PCDH15: variants seen among roughly 807,000 people sequenced by gnomAD.
PCDH15 encodes the protein protocadherin-15.
A neutral mutation model predicts 178.5 loss-of-function variants in PCDH15; 129 were observed. That is an observed-to-expected ratio of 0.72 (90% CI 0.63 to 0.84). The LOEUF is 0.84. Ranked by LOEUF, PCDH15 falls within the 40% of genes least tolerant of loss-of-function variation. The pLI is 0.00. For synonymous variants in PCDH15, 800 were observed against 732.0 expected (o/e 1.09, Z -1.50); for missense variants, 2,230 against 2,099.9 (o/e 1.06, Z -1.21).
At chr10:55,497,480 T>C (rs1372605581) in intron 2 of PCDH15, among the ~76,000 whole-genome samples, 3 of 151,764 alleles carry the variant, frequency 2.0e-5, no homozygotes, top group African/African-American at 7.3e-5. Context: ...CTTGGCTTAC[T>C]TTTCTGTAAG....
intron 2 of PCDH15, among the ~76,000 whole-genome samples, chr10:55,354,345 T>C (rs1400009964): frequency 2.0e-5 from 3 of 152,044 alleles, no homozygotes; most frequent in Non-Finnish European, 4.4e-5. Context: ...TTGAGCTTAA[T>C]AATGAGAATT....
intron 8 of PCDH15, among the ~76,000 whole-genome samples, chr10:54,300,057 C>T (rs567693008): frequency 1.8e-4 from 27 of 152,310 alleles, no homozygotes; most frequent in African/African-American, 6.5e-4. Flanking sequence ...ACTCTACAAT[C>T]CGAAGTAGAC....
At chr10:54,765,298 G>A (rs1007294674) in intron 1 of PCDH15, among the ~76,000 whole-genome samples, 10 of 151,980 alleles carry the variant, frequency 6.6e-5, no homozygotes, top group South Asian at 2.1e-4. Context: ...TATCAAAATC[G>A]TAAATGCTGA....
rs569133483 is a variant in PCDH15, at chr10:55,097,104, T to C, written c.-80+69472A>G. On this transcript the variant is annotated intron_variant, in intron 2 of 5. Transcript: ENST00000458638. The stretch of plus-strand genomic sequence containing the variant: ...TTTACCAAATAAAAAAGTTGTCAAC[T>C]AGTGTTTTGTAAGGATTTATTATGT... 4.6e-5 allele frequency among the ~76,000 whole-genome samples: 7 copies of C among 152,160 alleles called. No individual in the cohort carries two copies. In the East Asian group the frequency reaches 1.4e-3, roughly 29 times the overall value.
chr10:53,823,961 A>AGTTTTTC (rs2076495659), intron 32 of PCDH15, among the ~76,000 whole-genome samples: 1 of 152,270 alleles, frequency 6.6e-6, no homozygotes, highest in African/African-American at 2.4e-5. Flanking sequence ...GTGACAGAGG[A>AGTTTTTC]GTTTTTCTTC....
intron 2 of PCDH15, among the ~76,000 whole-genome samples, chr10:55,022,940 A>G (rs978306392): frequency 2.2e-5 from 3 of 139,056 alleles, no homozygotes; most frequent in African/African-American, 8.2e-5. Flanking sequence ...TATTGTATTT[A>G]TTTATATACA....
At chr10:54,713,434 T>A (rs544047108) in intron 1 of PCDH15, among the ~76,000 whole-genome samples, 1 of 152,234 alleles carries the variant, frequency 6.6e-6, no homozygotes, top group South Asian at 2.1e-4. Flanking sequence ...CTACCTTTCA[T>A]AGTAGCACCG....
chr10:55,302,256 A>G (rs1843305865), intron 1 of PCDH15, among the ~76,000 whole-genome samples: 1 of 152,102 alleles, frequency 6.6e-6, no homozygotes, highest in Non-Finnish European at 1.5e-5. Context: ...TTAGGTTTTT[A>G]TTAATTTATT....
intron 15 of PCDH15, among the ~76,000 whole-genome samples, chr10:54,111,988 CAA>C (rs1554794369): frequency 9.9e-4 from 96 of 97,174 alleles, no homozygotes; most frequent in African/African-American, 3.8e-3. Context: ...AAAAAAAAAA[CAA>C]AACTTAGCTT....
At chr10:55,002,789 T>C (rs567566124) in intron 2 of PCDH15, among the ~76,000 whole-genome samples, 1 of 152,330 alleles carries the variant, frequency 6.6e-6, no homozygotes, top group East Asian at 1.9e-4. Flanking sequence ...GGGATAAAAG[T>C]AGTTCAGAGT....
intron 1 of PCDH15, among the ~76,000 whole-genome samples, chr10:54,673,507 C>T (rs12413499): frequency 6.6e-6 from 1 of 152,096 alleles, no homozygotes; most frequent in Admixed American, 6.5e-5. Flanking sequence ...GGCATGATCT[C>T]GGCTCACTGC....
intron 2 of PCDH15, among the ~76,000 whole-genome samples, chr10:55,455,998 T>C (rs112818483): frequency 7.2e-5 from 11 of 152,242 alleles, no homozygotes; most frequent in African/African-American, 2.6e-4. Context: ...GATTTAGTAT[T>C]ATAACAGTTT....
intron 2 of PCDH15, among the ~76,000 whole-genome samples, chr10:55,102,889 A>C (rs1842603883): frequency 1.3e-5 from 2 of 152,154 alleles, no homozygotes; most frequent in Non-Finnish European, 2.9e-5. Context: ...AGAAAGAAGA[A>C]ATGTATTTAC....
chr10:55,465,964 A>G (rs1170393917), intron 2 of PCDH15, among the ~76,000 whole-genome samples: 3 of 152,140 alleles, frequency 2.0e-5, no homozygotes, highest in Admixed American at 6.5e-5. Flanking sequence ...TGCTTTTACG[A>G]TATCAGCGTC....
intron 17 of PCDH15, among the ~76,000 whole-genome samples, chr10:54,071,770 ATAAT>A (rs2094247390): frequency 6.6e-6 from 1 of 152,142 alleles, no homozygotes; most frequent in African/African-American, 2.4e-5. Flanking sequence ...AGGTAACACT[ATAAT>A]TATGGAGCAC....
intron 2 of PCDH15, among the ~76,000 whole-genome samples, chr10:55,539,619 T>G (rs1841711123): frequency 6.6e-6 from 1 of 152,132 alleles, no homozygotes; most frequent in Non-Finnish European, 1.5e-5. Context: ...CAGTAATCAT[T>G]GAACACACTT....
chr10:54,752,476 C>CAAAAAAAAAAAAAAA (rs755874514), intron 1 of PCDH15, among the ~76,000 whole-genome samples: 3 of 89,772 alleles, frequency 3.3e-5, no homozygotes, highest in Non-Finnish European at 7.5e-5. Flanking sequence ...GACTCCGTCT[C>CAAAAAAAAAAAAAAA]AAAAAAAAAA....
rs967980748 is a variant in PCDH15, at chr10:54,443,756, T to C, written c.158-64814A>G. 2.0e-5 allele frequency among the ~76,000 whole-genome samples: 3 copies of C among 151,736 alleles called. No individual in the cohort carries two copies. In the South Asian group the frequency reaches 6.2e-4, roughly 31 times the overall value. On this transcript the variant is annotated intron_variant, in intron 3 of 37. Transcript: ENST00000644397. ...CTTCTATTTTGTTCTAGTGGATTAC[T>C]GTCTTCTTTATTTTCATTCTAGTGT...
In PCDH15 at chr10:55,464,208, G is replaced by A. The variant is rs1347611426; in HGVS notation, c.-156+163417C>T. ...TATACACATCACTAAGTGTACTAGG[G>A]ACATAACTCAAAACGTCAGAACAAT... On this transcript the variant is annotated intron_variant, in intron 2 of 5. Coordinates refer to the PCDH15 transcript ENST00000613346. 4.6e-5 allele frequency among the ~76,000 whole-genome samples: 7 copies of A among 152,154 alleles called. No individual in the cohort carries two copies. In the East Asian group the frequency reaches 7.7e-4, roughly 17 times the overall value.
Sources: gnomAD v4.1 joint callset for allele counts (sites outside exome capture counted in the v4.1 genomes callset) on GRCh38, gnomAD v4.1.1 for gene constraint, MANE v1.5 for transcripts, NCBI Gene and HGNC (gene_info 2026-07-23, HGNC 2026-07-21) for gene names.